The following ITPK1 variants were observed in gnomAD, a reference collection of about 807,000 sequenced individuals.
The protein encoded by ITPK1 is inositol-tetrakisphosphate 1-kinase, also known as inositol 1,3,4-trisphosphate 5/6-kinase.
In ITPK1, 21 loss-of-function variants were observed where a neutral mutation model predicts 45.3. The ratio of observed to expected loss-of-function variants is 0.46; its 90% CI spans 0.33 to 0.67. The LOEUF (loss-of-function observed/expected upper bound fraction) is 0.67. Ranked by LOEUF, ITPK1 falls within the 30% of genes least tolerant of loss-of-function variation. The pLI, the probability that ITPK1 is intolerant of heterozygous loss-of-function variation, is 0.02. For synonymous variants in ITPK1, 258 were observed against 253.6 expected (o/e 1.02, Z -0.16); for missense variants, 474 against 573.5 (o/e 0.83, Z 1.77).
chr14:93,004,971 C>T (rs917018492), intron 4 of ITPK1, among the ~76,000 whole-genome samples: 2 of 151,964 alleles, frequency 1.3e-5, no homozygotes, highest in Admixed American at 6.5e-5. Context: ...CTGGGGCGGA[C>T]GGCAGTCTCA....
rs73345164 is a variant in ITPK1, at chr14:92,938,310, T to C, written c.*3251A>G. 2,476 of 647,174 alleles carry C rather than the reference T, an allele frequency of 3.8e-3. 53 individuals carry two copies. In the African/African-American group the frequency reaches 0.039, roughly 10 times the overall value. The allele number at this position is 647,174 out of a possible 1,614,324, so 40.1% of individuals were successfully genotyped here. ...CAGATACAGACCCCAGGGACATTAG[T>C]GAAGCCATTCAGCAGTTGTGGCCAG... is the stretch of plus-strand genomic sequence containing the variant. On this transcript the variant is annotated 3_prime_UTR_variant, in exon 11 of 11. Coordinates refer to ENST00000267615, the MANE Select transcript of ITPK1 (RefSeq NM_014216.6).
chr14:92,945,410 C>T (rs1162611442), intron 10 of ITPK1, among the ~76,000 whole-genome samples: 2 of 152,264 alleles, frequency 1.3e-5, no homozygotes, highest in African/African-American at 2.4e-5. Context: ...CGAGTCCCCA[C>T]CTGCCAGGCA....
chr14:93,102,452 C>T (rs368825768), intron 2 of ITPK1, among the ~76,000 whole-genome samples: 9 of 152,356 alleles, frequency 5.9e-5, no homozygotes, highest in Admixed American at 4.6e-4. Flanking sequence ...GATCCCATGA[C>T]GAATGTTAGG....
At chr14:92,984,356 G>A (rs1649531265) in intron 5 of ITPK1, among the ~76,000 whole-genome samples, 1 of 152,192 alleles carries the variant, frequency 6.6e-6, no homozygotes, top group African/African-American at 2.4e-5. Flanking sequence ...GAGAGGAGGG[G>A]ACTCTATAGT....
chr14:92,999,445 T>C (rs1434211220), intron 4 of ITPK1, among the ~76,000 whole-genome samples: 3 of 152,244 alleles, frequency 2.0e-5, no homozygotes, highest in African/African-American at 4.8e-5. Flanking sequence ...CTGGGCTGCA[T>C]GGCCTGAGCG....
intron 2 of ITPK1, among the ~76,000 whole-genome samples, chr14:93,104,991 A>C (rs1238837600): frequency 1.3e-5 from 2 of 152,210 alleles, no homozygotes; most frequent in Non-Finnish European, 2.9e-5. Flanking sequence ...TCTCTTGTGC[A>C]AAACTAGCTC....
chr14:92,955,323 A>G (rs1884640764), intron 8 of ITPK1, among the ~76,000 whole-genome samples: 1 of 152,210 alleles, frequency 6.6e-6, no homozygotes, highest in Non-Finnish European at 1.5e-5. Context: ...CCCGCTCTAC[A>G]TGGTGAGAGG....
intron 4 of ITPK1, among the ~76,000 whole-genome samples, chr14:93,008,485 A>G (rs1040606635): frequency 6.6e-6 from 1 of 152,252 alleles, no homozygotes; most frequent in African/African-American, 2.4e-5. Context: ...GGAGAGACAA[A>G]CGGGTAGGGG....
At chr14:93,104,990 C>G (rs1566788620) in intron 2 of ITPK1, among the ~76,000 whole-genome samples, 2 of 152,206 alleles carry the variant, frequency 1.3e-5, no homozygotes, top group African/African-American at 2.4e-5. Context: ...GTCTCTTGTG[C>G]AAAACTAGCT....
In ITPK1 at chr14:93,073,893, G is replaced by A. The variant is rs924256348; in HGVS notation, c.120+2702C>T. Among the ~76,000 whole-genome samples the A allele has an allele frequency of 9.9e-5, 15 of 152,256 alleles. No homozygotes were observed. The East Asian group carries it at 2.9e-3, about 29-fold the overall frequency. On this transcript the variant is annotated intron_variant, in intron 3 of 10. Transcript: ENST00000267615. ...TGGGTGGCTGCACAGAACGGGAGAC[G>A]CCCCTCAGGGACCAGACACAGGAAA... is the stretch of plus-strand genomic sequence containing the variant.
chr14:92,974,238 T>A (rs1190615594), intron 5 of ITPK1, among the ~76,000 whole-genome samples: 1 of 152,196 alleles, frequency 6.6e-6, no homozygotes, highest in Non-Finnish European at 1.5e-5. Context: ...ATTTGGGCGC[T>A]TCCGAAAGGA....
chr14:93,046,925 G>C (rs969418939), intron 3 of ITPK1, among the ~76,000 whole-genome samples: 3 of 152,210 alleles, frequency 2.0e-5, no homozygotes, highest in African/African-American at 7.2e-5. Flanking sequence ...AGAGCAGGCG[G>C]CTGGTAGGGA....
chr14:92,965,165 G>A (rs1013676657), intron 5 of ITPK1, among the ~76,000 whole-genome samples: 1 of 152,206 alleles, frequency 6.6e-6, no homozygotes, highest in Non-Finnish European at 1.5e-5. Flanking sequence ...GGGGGTTCCT[G>A]ACAGCATGCT....
chr14:92,986,536 T>TAGAGGAGGGGTGC (rs1272434921), intron 5 of ITPK1, among the ~76,000 whole-genome samples: 2 of 152,100 alleles, frequency 1.3e-5, no homozygotes, highest in Non-Finnish European at 2.9e-5. Context: ...GAGTACCTCC[T>TAGAGGAGGGGTGC]AGAGGAGGGG....
intron 5 of ITPK1, among the ~76,000 whole-genome samples, chr14:92,964,536 C>G (rs1043970242): frequency 3.3e-5 from 5 of 152,258 alleles, no homozygotes; most frequent in African/African-American, 1.2e-4. Flanking sequence ...GAGCAAAAGC[C>G]TCCTCGCTGC....
chr14:92,956,909 G>A (rs1399043730), intron 8 of ITPK1, among the ~76,000 whole-genome samples: 2 of 152,330 alleles, frequency 1.3e-5, no homozygotes, highest in South Asian at 2.1e-4. Flanking sequence ...CAGGGGCTGG[G>A]ACCATGATGT....
chr14:93,046,973 T>C (rs1261167501), intron 3 of ITPK1, among the ~76,000 whole-genome samples: 1 of 152,004 alleles, frequency 6.6e-6, no homozygotes, highest in African/African-American at 2.4e-5. Flanking sequence ...CTCCCTTCCC[T>C]CTCCATTCAC....
intron 9 of ITPK1, among the ~76,000 whole-genome samples, chr14:92,948,067 T>C (rs550679934): frequency 6.6e-6 from 1 of 152,320 alleles, no homozygotes; most frequent in East Asian, 1.9e-4. Flanking sequence ...GAATACATCA[T>C]GCTGAGTGCA....
chr14:93,025,019 CT>C (rs1888667140), intron 3 of ITPK1, among the ~76,000 whole-genome samples: 1 of 152,222 alleles, frequency 6.6e-6, no homozygotes. Context: ...ACAACCCAGA[CT>C]TGCCCCAGTT....
Sources: allele counts gnomAD v4.1 joint callset (sites outside exome capture counted in the v4.1 genomes callset), GRCh38; gene constraint gnomAD v4.1.1; transcripts MANE v1.5; gene names NCBI Gene and HGNC (gene_info 2026-07-23, HGNC 2026-07-21).